The following BLTP1 variants were observed in gnomAD, a reference collection of about 807,000 sequenced individuals.
BLTP1 encodes the protein fragile site-associated protein.
the BLTP1 span, among the ~76,000 whole-genome samples, chr4:122,296,283 A>G: frequency 6.6e-6 from 1 of 152,200 alleles, no homozygotes; most frequent in African/African-American, 2.4e-5. Context: ...ACAGGCAAGA[A>G]GAGACCCAAA....
chr4:122,293,068 G>T, the BLTP1 span: 1 of 944,702 alleles, frequency 1.1e-6, no homozygotes, highest in Non-Finnish European at 1.3e-6. Context: ...TATGAGGCTA[G>T]CTATAATTTC....
the BLTP1 span, chr4:122,347,200 T>C: frequency 1.0e-6 from 1 of 984,732 alleles, no homozygotes; most frequent in Non-Finnish European, 1.2e-6. Context: ...TAGATATTGT[T>C]GTAGGTAATG....
At chr4:122,166,156 T>A in the BLTP1 span, among the ~76,000 whole-genome samples, 1 of 152,192 alleles carries the variant, frequency 6.6e-6, no homozygotes, top group Admixed American at 6.5e-5. Context: ...CCCATGCCTA[T>A]GTCCTGAATG....
At chr4:122,263,049 T>C in the BLTP1 span, 1 of 1,504,702 alleles carries the variant, frequency 6.6e-7, no homozygotes, top group Non-Finnish European at 9.0e-7. Flanking sequence ...AAACAGGACT[T>C]AAGTTTAGTT....
chr4:122,153,078 T>G, the BLTP1 span: 1 of 971,494 alleles, frequency 1.0e-6, no homozygotes, highest in South Asian at 4.8e-5. Context: ...TCTAGAAGAC[T>G]ACGTTTCAGC....
chr4:122,223,396 G>A, the BLTP1 span, among the ~76,000 whole-genome samples: 1 of 152,180 alleles, frequency 6.6e-6, no homozygotes, highest in Non-Finnish European at 1.5e-5. Flanking sequence ...ATACTGGTAT[G>A]TTGAAGGCTC....
At chr4:122,322,865 A>AT in the BLTP1 span, among the ~76,000 whole-genome samples, 4 of 151,968 alleles carry the variant, frequency 2.6e-5, no homozygotes, top group African/African-American at 4.8e-5. Flanking sequence ...TCCTAAGGGC[A>AT]TTTTTTCTTA....
the BLTP1 span, among the ~76,000 whole-genome samples, chr4:122,173,727 G>A: frequency 5.9e-5 from 9 of 151,926 alleles, no homozygotes; most frequent in African/African-American, 1.5e-4. Context: ...GATAATATCC[G>A]CTTGGTTATG....
chr4:122,277,549 G>A, the BLTP1 span: 2 of 951,974 alleles, frequency 2.1e-6, no homozygotes, highest in Non-Finnish European at 2.5e-6. Flanking sequence ...TCTAGGCATT[G>A]GAAAGAGCAA....
At chr4:122,344,961 G>T in the BLTP1 span, 2 of 984,560 alleles carry the variant, frequency 2.0e-6, no homozygotes, top group African/African-American at 3.5e-5. Context: ...CATGTATACT[G>T]CTGGTTTTAT....
At chr4:122,154,548 T>G in the BLTP1 span, 1 of 900,716 alleles carries the variant, frequency 1.1e-6, no homozygotes, top group Non-Finnish European at 1.3e-6. Flanking sequence ...TGCTCTTTAA[T>G]CTACCTATGT....
chr4:122,194,701 C>G, the BLTP1 span: 3 of 839,594 alleles, frequency 3.6e-6, no homozygotes, highest in Non-Finnish European at 4.3e-6. Context: ...AAGTGTGATT[C>G]TTCTTAAACT....
the BLTP1 span, chr4:122,272,175 C>A: frequency 1.2e-6 from 2 of 1,612,804 alleles, no homozygotes; most frequent in Admixed American, 3.3e-5. Context: ...CGGAGCCCTA[C>A]AGAGCCAACA....
chr4:122,266,702 A>G, the BLTP1 span: 7 of 1,291,668 alleles, frequency 5.4e-6, no homozygotes, highest in African/African-American at 1.5e-5. Context: ...TAAGAAATAA[A>G]AGCTGCATTT....
At chr4:122,183,486 C>T in the BLTP1 span, 95 of 984,952 alleles carry the variant, frequency 9.6e-5, no homozygotes, top group Non-Finnish European at 9.2e-5. Flanking sequence ...CTGGATACTG[C>T]AGATGTCCAT....
the BLTP1 span, chr4:122,356,964 G>T: frequency 1.0e-6 from 1 of 982,936 alleles, no homozygotes; most frequent in African/African-American, 1.7e-5. Context: ...TTTACAAAGT[G>T]TTTCTGTATA....
chr4:122,320,538 T>G, the BLTP1 span, among the ~76,000 whole-genome samples: 944 of 152,300 alleles, frequency 6.2e-3, 10 homozygotes, highest in East Asian at 0.044. Context: ...GCTCTTCTTT[T>G]TCTTTATACC....
the BLTP1 span, among the ~76,000 whole-genome samples, chr4:122,321,200 A>C: frequency 6.6e-6 from 1 of 152,056 alleles, no homozygotes; most frequent in African/African-American, 2.4e-5. Context: ...CATAAAGTCA[A>C]AAAATCGTAA....
the BLTP1 span, chr4:122,348,827 A>G: frequency 2.0e-3 from 1,447 of 725,666 alleles, 20 homozygotes; most frequent in African/African-American, 0.024. Context: ...TTGAAAAAGA[A>G]GTAGATAAAC....
Sources: gnomAD v4.1 joint callset for allele counts (sites outside exome capture counted in the v4.1 genomes callset) on GRCh38, gnomAD v4.1.1 for gene constraint, MANE v1.5 for transcripts, NCBI Gene and HGNC (gene_info 2026-07-23, HGNC 2026-07-21) for gene names.